The following ATP8B4 variants were observed in gnomAD, a reference collection of about 807,000 sequenced individuals.
ATP8B4 encodes the protein probable phospholipid-transporting ATPase IM.
Under a neutral mutation model 145.6 loss-of-function variants are expected in ATP8B4, and 133 were observed. That is an observed-to-expected ratio of 0.91 (90% CI 0.79 to 1.05). The LOEUF is 1.05. Among genes scored for constraint, ATP8B4 ranks in the 50% least tolerant of loss-of-function variants. The pLI is 0.00. For synonymous variants in ATP8B4, 507 were observed against 492.9 expected, an observed-to-expected ratio of 1.03 and a Z score of -0.38; for missense variants, 1,458 against 1,425.2, an observed-to-expected ratio of 1.02 and a Z score of -0.37.
intron 1 of ATP8B4, among the ~76,000 whole-genome samples, chr15:50,146,935 C>T (rs527690694): frequency 5.3e-5 from 8 of 152,304 alleles, no homozygotes; most frequent in Admixed American, 1.3e-4. Context: ...CTTCCCAGTG[C>T]ACAAGCCAGT....
chr15:50,042,485 C>T (rs2051372417), intron 5 of ATP8B4, among the ~76,000 whole-genome samples: 1 of 152,102 alleles, frequency 6.6e-6, no homozygotes, highest in Non-Finnish European at 1.5e-5. Context: ...TAATATCTTC[C>T]CTAATTCTCT....
chr15:50,059,584 TCCTCCA>T (rs2052856513), intron 3 of ATP8B4, among the ~76,000 whole-genome samples: 1 of 152,196 alleles, frequency 6.6e-6, no homozygotes, highest in African/African-American at 2.4e-5. Flanking sequence ...TTCCTGAACC[TCCTCCA>T]CCATCTCATT....
intron 2 of ATP8B4, among the ~76,000 whole-genome samples, chr15:50,096,159 C>T (rs1027809429): frequency 6.6e-6 from 1 of 152,052 alleles, no homozygotes; most frequent in Non-Finnish European, 1.5e-5. Context: ...CACTGGGGTG[C>T]AATGAAGGAG....
chr15:50,059,902 T>G (rs1249422639), intron 3 of ATP8B4, among the ~76,000 whole-genome samples: 3 of 152,202 alleles, frequency 2.0e-5, no homozygotes, highest in Non-Finnish European at 4.4e-5. Flanking sequence ...GTCTGTGGCC[T>G]GAGCCCTTTT....
intron 5 of ATP8B4, among the ~76,000 whole-genome samples, chr15:50,040,668 C>A (rs1254264312): frequency 6.6e-6 from 1 of 152,190 alleles, no homozygotes; most frequent in Non-Finnish European, 1.5e-5. Flanking sequence ...CCCCCAAAAG[C>A]TGAGCAGCTC....
intron 2 of ATP8B4, among the ~76,000 whole-genome samples, chr15:50,076,032 T>C (rs1457841687): frequency 6.6e-6 from 1 of 152,216 alleles, no homozygotes; most frequent in African/African-American, 2.4e-5. Context: ...AAAAATCAGA[T>C]ATATTAATTA....
chr15:50,181,153 G>A (rs1419113672), intron 1 of ATP8B4, among the ~76,000 whole-genome samples: 6 of 152,174 alleles, frequency 3.9e-5, no homozygotes, highest in African/African-American at 9.7e-5. Flanking sequence ...ACATAGGGAA[G>A]CTCCTAGCAG....
chr15:49,967,170 G>A (rs1352231905), intron 13 of ATP8B4, among the ~76,000 whole-genome samples: 1 of 152,166 alleles, frequency 6.6e-6, no homozygotes, highest in Admixed American at 6.5e-5. Flanking sequence ...GGAAAAACCA[G>A]TGCAAAAAAG....
chr15:49,923,821 T>C (rs1463327117), intron 16 of ATP8B4, among the ~76,000 whole-genome samples: 1 of 152,182 alleles, frequency 6.6e-6, no homozygotes, highest in Non-Finnish European at 1.5e-5. Context: ...CATCTCCATA[T>C]TAAGCAGAAT....
chr15:49,981,341 G>T (rs548077641), intron 10 of ATP8B4, 47 bp from the exon 11 acceptor site: 42 of 1,386,084 alleles, frequency 3.0e-5, no homozygotes, highest in Non-Finnish European at 4.2e-5. Context: ...ATATGATTAT[G>T]TATTCTTATT....
Position 50,170,589 on chromosome 15 carries a change from A to G in ATP8B4, c.-43+11672T>C, listed in dbSNP as rs1470538979. 2.6e-5 allele frequency among the ~76,000 whole-genome samples: 4 copies of G among 152,012 alleles called. No individual in the cohort carries two copies. The East Asian group carries it at 7.7e-4, about 29-fold the overall frequency. On this transcript the variant is annotated intron_variant, in intron 1 of 3. Coordinates refer to the ATP8B4 transcript ENST00000558829. Reference sequence around the variant, plus strand: ...CAAAACAGAACCTCTTTAAAGCATAAATCACACAGGACTTATAAAACAAAA... The same window carrying G: ...CAAAACAGAACCTCTTTAAAGCATAGATCACACAGGACTTATAAAACAAAA...
chr15:49,934,113 G>A lies in ATP8B4; in HGVS notation c.1357C>T (p.Leu453=). 2 of 1,612,744 alleles carry A rather than the reference G, an allele frequency of 1.2e-6. No individual in the cohort carries two copies. Among genetic ancestry groups the A allele is most frequent in the Non-Finnish European group, 1.7e-6 (2 of 1,179,220 alleles). ...DREFQFFDHH[L]MESIKMGDPK... is the part of the protein sequence containing the mutation. ...TCACCCATTTTAATGGATTCCATCA[G>A]ATGGTGGTCAAAGAACTGAAATTCT... The change falls in exon 15 of 28, where the codon CTG becomes TTG. Residue 453 remains leucine, a synonymous_variant. Coordinates refer to ENST00000284509, the MANE Select transcript of ATP8B4 (RefSeq NM_024837.4).
Position 49,898,203 on chromosome 15 carries a change from A to T in ATP8B4, c.2338T>A (p.Cys780Ser), listed in dbSNP as rs1215176493. Residue 780 changes from cysteine (C) to serine (S), a missense_variant, in exon 22 of 28, where the codon TGC becomes AGC. Physicochemically the swap from Cys to Ser is moderately radical, Grantham distance 112. Transcript: ENST00000284509. ...CAGCAAATTACAGTCTTACACATGC[A>T]AGCAAGTTCTAGGAGATCATTCTTG... ...DVKNDLLELACMCKTVICCRV... is the reference protein window; with the variant it reads ...DVKNDLLELASMCKTVICCRV... The T allele has an allele frequency of 1.9e-6, 3 of 1,613,780 alleles. No individual in the cohort carries two copies. Among genetic ancestry groups the T allele is most frequent in the Admixed American group, 1.7e-5 (1 of 59,962 alleles).
chr15:50,072,933 T>TCC (rs1338883522), intron 3 of ATP8B4, among the ~76,000 whole-genome samples: 9 of 15,158 alleles, frequency 5.9e-4, no homozygotes, highest in African/African-American at 2.3e-3. Flanking sequence ...TCTCTCTCTC[T>TCC]CTCTCTCTCT....
intron 13 of ATP8B4, 59 bp downstream of exon 13, chr15:49,972,514 TTTAATGGGG>T: frequency 2.7e-6 from 4 of 1,485,710 alleles, no homozygotes; most frequent in Non-Finnish European, 3.6e-6. Flanking sequence ...TAAATTTTTT[TTTAATGGGG>T]TCAGTTATTC....
chr15:49,931,371 G>A (rs1567019038), intron 15 of ATP8B4, 64 bp from the exon 16 acceptor site: 2 of 1,468,418 alleles, frequency 1.4e-6, no homozygotes, highest in Non-Finnish European at 1.9e-6. Context: ...GAGTTCCAAT[G>A]CCAACTCCAA....
chr15:49,875,812 AGT>A (rs2034322700), intron 25 of ATP8B4, among the ~76,000 whole-genome samples: 1 of 152,230 alleles, frequency 6.6e-6, no homozygotes, highest in South Asian at 2.1e-4. Flanking sequence ...AGCTCCTCTG[AGT>A]GTGAGATTCG....
chr15:49,948,682 T>C (rs896277771), intron 14 of ATP8B4, among the ~76,000 whole-genome samples: 25 of 152,232 alleles, frequency 1.6e-4, no homozygotes, highest in Non-Finnish European at 1.3e-4. Context: ...ACGTTCCTTG[T>C]AAATTATGGA....
chr15:50,028,282 C>A (rs189407361), intron 6 of ATP8B4, among the ~76,000 whole-genome samples: 1 of 152,314 alleles, frequency 6.6e-6, no homozygotes, highest in East Asian at 1.9e-4. Context: ...CAGTATTGCA[C>A]ATCTGATTCT....
Sources: allele counts gnomAD v4.1 joint callset (sites outside exome capture counted in the v4.1 genomes callset), GRCh38; gene constraint gnomAD v4.1.1; transcripts MANE v1.5; gene names NCBI Gene and HGNC (gene_info 2026-07-23, HGNC 2026-07-21).